The following PDE7B variants were observed in gnomAD, a reference collection of about 807,000 sequenced individuals.
The protein encoded by PDE7B is phosphodiesterase 7B.
PDE7B carries 29 observed loss-of-function variants against 56.2 expected under a neutral mutation model. The observed-to-expected ratio is 0.52, with a 90% confidence interval of 0.38 to 0.70. The LOEUF (loss-of-function observed/expected upper bound fraction) is 0.70. Ranked by LOEUF, PDE7B falls within the 30% of genes least tolerant of loss-of-function variation. The pLI is 0.00. For missense variants in PDE7B, 490 were observed against 565.0 expected (o/e 0.87, Z 1.35); for synonymous variants, 197 against 196.9 (o/e 1.00, Z 0.00).
chr6:135,977,357 C>T (rs962649125), intron 2 of PDE7B, among the ~76,000 whole-genome samples: 1 of 152,102 alleles, frequency 6.6e-6, no homozygotes, highest in African/African-American at 2.4e-5. Flanking sequence ...GGGCCAGGAT[C>T]ATTTTGCCAT....
intron 8 of PDE7B, among the ~76,000 whole-genome samples, chr6:136,158,798 A>T (rs1340009860): frequency 6.6e-6 from 1 of 152,196 alleles, no homozygotes; most frequent in African/African-American, 2.4e-5. Context: ...GGGAGGAAAA[A>T]CAGCATGTGA....
chr6:136,030,125 A>G (rs888621474), intron 2 of PDE7B, among the ~76,000 whole-genome samples: 29 of 152,214 alleles, frequency 1.9e-4, no homozygotes, highest in African/African-American at 6.0e-4. Context: ...TAACCATAGC[A>G]AAGCACTTAG....
At chr6:135,911,560 T>C (rs1376563491) in intron 1 of PDE7B, among the ~76,000 whole-genome samples, 1 of 152,254 alleles carries the variant, frequency 6.6e-6, no homozygotes, top group East Asian at 1.9e-4. Flanking sequence ...TCTGCTGTTT[T>C]ATTATGTCAG....
intron 1 of PDE7B, among the ~76,000 whole-genome samples, chr6:135,939,306 T>C (rs1330001828): frequency 6.6e-6 from 1 of 152,186 alleles, no homozygotes; most frequent in African/African-American, 2.4e-5. Flanking sequence ...TTTTTTCTTT[T>C]GCTGGTGTGT....
intron 2 of PDE7B, among the ~76,000 whole-genome samples, chr6:135,953,425 A>G (rs1275147604): frequency 1.3e-5 from 2 of 152,144 alleles, no homozygotes; most frequent in South Asian, 2.1e-4. Flanking sequence ...GTGTGAGCAG[A>G]GGCATGTCAT....
In PDE7B at chr6:136,193,590, T is replaced by C. The variant is rs1315212580; in HGVS notation, c.*1750T>C. 1 of 152,248 alleles carries C rather than the reference T, an allele frequency of 6.6e-6. No individual in the cohort carries two copies. Among genetic ancestry groups the C allele is most frequent in the African/African-American group, 2.4e-5 (1 of 41,474 alleles). The allele number at this position is 152,248 out of a possible 1,614,324, so 9.4% of individuals were successfully genotyped here. ...AAGTTTCAGCGTAACTAATGTTAGA[T>C]GAAAATTGTTGATGCCCCTTTCTTT... On this transcript the variant is annotated 3_prime_UTR_variant, in exon 13 of 13. Transcript: ENST00000308191.
chr6:135,944,425 C>A (rs9494427), intron 1 of PDE7B, among the ~76,000 whole-genome samples: 7,692 of 152,086 alleles, frequency 0.051, 638 homozygotes, highest in African/African-American at 0.17. Context: ...GCCCTGAGAA[C>A]AATCAGATTC....
At chr6:135,896,589 C>T (rs1775906500) in intron 1 of PDE7B, among the ~76,000 whole-genome samples, 1 of 152,044 alleles carries the variant, frequency 6.6e-6, no homozygotes, top group African/African-American at 2.4e-5. Flanking sequence ...ATCCTTGCAA[C>T]TTATATTGTT....
rs78754511 is a variant in PDE7B at position 135,967,252 on chromosome 6, T to C, written c.82+19728T>C. On this transcript the variant is annotated intron_variant, in intron 2 of 12. Transcript: ENST00000308191. ...ATCTCTCTCTGTCTCAAATTCCCCA[T>C]CCTTCAAACATGTCCAACAACCCGC... 8.2e-3 allele frequency among the ~76,000 whole-genome samples: 1,250 copies of C among 152,188 alleles called. 11 individuals carry two copies. Among genetic ancestry groups the C allele is most frequent in the African/African-American group, 0.028 (1,176 of 41,518 alleles).
At chr6:135,886,169 G>A (rs1037080808) in intron 1 of PDE7B, among the ~76,000 whole-genome samples, 2 of 152,096 alleles carry the variant, frequency 1.3e-5, no homozygotes, top group Non-Finnish European at 2.9e-5. Context: ...ATACCGTTGA[G>A]TGCTTTTAAG....
chr6:136,181,938 G>A (rs1224851729), intron 11 of PDE7B, among the ~76,000 whole-genome samples: 1 of 152,186 alleles, frequency 6.6e-6, no homozygotes, highest in Admixed American at 6.6e-5. Context: ...GAATTAGCAA[G>A]CAGGATCTTG....
chr6:135,926,085 TGGGGGGGGGGGGG>T (rs948738463), intron 1 of PDE7B, among the ~76,000 whole-genome samples: 9 of 16,158 alleles, frequency 5.6e-4, no homozygotes, highest in Non-Finnish European at 1.8e-3. Flanking sequence ...TTCTTTTTTT[TGGGGGGGGGGGGG>T]GGAGGGGGGA....
chr6:136,004,533 A>C (rs1775739592), intron 2 of PDE7B, among the ~76,000 whole-genome samples: 1 of 152,120 alleles, frequency 6.6e-6, no homozygotes, highest in Admixed American at 6.5e-5. Flanking sequence ...ATGTACAAAA[A>C]TCACAAGCAT....
intron 2 of PDE7B, among the ~76,000 whole-genome samples, chr6:136,102,663 CAGTATCT>C (rs1004475344): frequency 2.6e-5 from 4 of 152,248 alleles, no homozygotes; most frequent in African/African-American, 7.2e-5. Context: ...GCTTCTTGTT[CAGTATCT>C]TTTTTTATGA....
At chr6:135,932,750 G>A (rs1238635748) in intron 1 of PDE7B, among the ~76,000 whole-genome samples, 1 of 152,186 alleles carries the variant, frequency 6.6e-6, no homozygotes, top group African/African-American at 2.4e-5. Flanking sequence ...TGCAGGAGCT[G>A]TTGGATCCAA....
intron 2 of PDE7B, among the ~76,000 whole-genome samples, chr6:136,081,147 T>C (rs1342833426): frequency 6.6e-6 from 1 of 151,458 alleles, no homozygotes; most frequent in Non-Finnish European, 1.5e-5. Flanking sequence ...CATAGAAGGG[T>C]TTTTAACATG....
chr6:136,043,618 T>C (rs957381609), intron 2 of PDE7B, among the ~76,000 whole-genome samples: 3 of 148,152 alleles, frequency 2.0e-5, no homozygotes, highest in Non-Finnish European at 3.0e-5. Flanking sequence ...GAACCTAAGT[T>C]CCACCACACT....
chr6:136,182,320 A>G (rs2128451399), intron 11 of PDE7B, among the ~76,000 whole-genome samples: 1 of 152,312 alleles, frequency 6.6e-6, no homozygotes, highest in East Asian at 1.9e-4. Context: ...GAATTGAGTA[A>G]AAGTGGTTAG....
At chr6:136,170,363 T>C (rs1010665333) in intron 8 of PDE7B, among the ~76,000 whole-genome samples, 1 of 152,208 alleles carries the variant, frequency 6.6e-6, no homozygotes, top group South Asian at 2.1e-4. Context: ...ATTAAGCACA[T>C]TCATAATGTG....
Sources: allele counts gnomAD v4.1 joint callset (sites outside exome capture counted in the v4.1 genomes callset), GRCh38; gene constraint gnomAD v4.1.1; transcripts MANE v1.5; gene names NCBI Gene and HGNC (gene_info 2026-07-23, HGNC 2026-07-21).